GFOD1: variants seen among roughly 807,000 people sequenced by gnomAD.
GFOD1 encodes the protein Gfo/Idh/MocA-like oxidoreductase domain containing 1, also known as glucose-fructose oxidoreductase domain-containing protein 1.
A neutral mutation model predicts 25.4 loss-of-function variants in GFOD1; 9 were observed. That is an observed-to-expected ratio of 0.35 (90% confidence interval 0.21 to 0.62). The LOEUF is 0.62. GFOD1 is among the 20% of genes least tolerant of loss of function. The pLI is 0.72. For missense variants in GFOD1, 403 were observed against 556.9 expected (o/e 0.72, Z 2.78); for synonymous variants, 253 against 245.6 (o/e 1.03, Z -0.28).
intron 1 of GFOD1, among the ~76,000 whole-genome samples, chr6:13,435,913 T>G (rs2127571150): frequency 6.6e-6 from 1 of 152,348 alleles, no homozygotes; most frequent in African/African-American, 2.4e-5. Context: ...CACACATTCA[T>G]GTTTACAAAT....
At chr6:13,476,863 C>T (rs1758634319) in intron 1 of GFOD1, among the ~76,000 whole-genome samples, 1 of 152,194 alleles carries the variant, frequency 6.6e-6, no homozygotes, top group Middle Eastern at 3.2e-3. Flanking sequence ...GCATCCCAGA[C>T]TTGCCCAAAC....
chr6:13,457,771 T>G lies in GFOD1; in HGVS notation c.253+28867A>C, dbSNP rs561503711. ...TTTGAAAGTGGCTGCCGGCCTGTTC[T>G]TACAAGAAAAATGAACTTGGGGGCT... On this transcript the variant is annotated intron_variant, in intron 1 of 1. Transcript: ENST00000379287. 2.6e-5 allele frequency among the ~76,000 whole-genome samples: 4 copies of G among 152,366 alleles called. No homozygotes were observed. In the East Asian group the frequency reaches 7.7e-4, roughly 29 times the overall value.
Position 13,365,036 on chromosome 6 carries a change from CCTT to C in GFOD1, c.877_879del (p.Lys293del). 6.2e-7 allele frequency: 1 copy of C among 1,610,402 alleles called. No homozygotes were observed. Among genetic ancestry groups the C allele is most frequent in the Non-Finnish European group, 8.5e-7 (1 of 1,179,906 alleles). ...TAGGGCGAGGGGATGTCGCTGAAGG[CCTT>C]CTCCGGAAGCAGGGAGTTGCTCACC... is the stretch of plus-strand genomic sequence containing the variant. On this transcript the variant is annotated inframe_deletion, in exon 2 of 2. Coordinates refer to ENST00000379287, the MANE Select transcript of GFOD1 (RefSeq NM_018988.4). This position sits in a 1 kb window ranked among gnomAD's most constrained non-coding sequence, Gnocchi z 9.2.
intron 1 of GFOD1, among the ~76,000 whole-genome samples, chr6:13,388,216 C>T (rs1785514604): frequency 6.6e-6 from 1 of 152,206 alleles, no homozygotes. Context: ...TCAATGCTAT[C>T]TCCATCAAGT....
chr6:13,397,335 C>G (rs540932001), intron 1 of GFOD1, among the ~76,000 whole-genome samples: 1 of 152,368 alleles, frequency 6.6e-6, no homozygotes, highest in African/African-American at 2.4e-5. Context: ...CAAATATCTA[C>G]ACAAAAGATC....
At chr6:13,474,722 G>GA (rs1758578770) in intron 1 of GFOD1, among the ~76,000 whole-genome samples, 1 of 152,022 alleles carries the variant, frequency 6.6e-6, no homozygotes, top group Admixed American at 6.6e-5. Flanking sequence ...AAAATAAATG[G>GA]AAAAAAAGAA....
chr6:13,398,324 C>G (rs1300035448), intron 1 of GFOD1, among the ~76,000 whole-genome samples: 1 of 152,186 alleles, frequency 6.6e-6, no homozygotes, highest in African/African-American at 2.4e-5. Context: ...ACTTCCTTAG[C>G]AGGGATCAGG....
intron 1 of GFOD1, among the ~76,000 whole-genome samples, chr6:13,377,826 C>T (rs1785284563): frequency 6.6e-6 from 1 of 152,194 alleles, no homozygotes. Flanking sequence ...GTCTACATTC[C>T]TTCCAAAACT....
intron 1 of GFOD1, among the ~76,000 whole-genome samples, chr6:13,484,439 C>T (rs1373231277): frequency 6.6e-6 from 1 of 152,108 alleles, no homozygotes; most frequent in African/African-American, 2.4e-5. Flanking sequence ...GTAAAGCAAA[C>T]CAAGACGACC....
In GFOD1 at chr6:13,365,829, G is replaced by C. The variant is rs1376400712; in HGVS notation, c.254-167C>G. Among the ~76,000 whole-genome samples, 1 of 151,224 alleles carries C rather than the reference G, an allele frequency of 6.6e-6. No homozygotes were observed. Among genetic ancestry groups the C allele is most frequent in the Non-Finnish European group, 1.5e-5 (1 of 67,890 alleles). On this transcript the variant is annotated intron_variant, in intron 1 of 1. Transcript: ENST00000379287. This position sits in a 1 kb window ranked among gnomAD's most constrained non-coding sequence, Gnocchi z 9.2. ...GGAGGCCAAGGCCGGAGGAGGCCTT[G>C]AGCCCAGGAGTTGGAGGCCAGCCTG...
At chr6:13,478,396 C>T (rs933138436) in intron 1 of GFOD1, among the ~76,000 whole-genome samples, 1 of 152,214 alleles carries the variant, frequency 6.6e-6, no homozygotes, top group African/African-American at 2.4e-5. Context: ...ACCTCGGACT[C>T]CCAAAGTGCT....
intron 1 of GFOD1, among the ~76,000 whole-genome samples, chr6:13,444,359 C>T (rs1179004993): frequency 6.9e-6 from 1 of 145,854 alleles, no homozygotes; most frequent in Non-Finnish European, 1.5e-5. Flanking sequence ...GGTCTCCTTA[C>T]GGGTGGAGGG....
chr6:13,457,246 T>C (rs1283003867), intron 1 of GFOD1, among the ~76,000 whole-genome samples: 1 of 152,220 alleles, frequency 6.6e-6, no homozygotes, highest in Non-Finnish European at 1.5e-5. Flanking sequence ...CTGGACTTTC[T>C]GAAATTTTCC....
intron 1 of GFOD1, among the ~76,000 whole-genome samples, chr6:13,457,295 C>T (rs1317484050): frequency 1.3e-5 from 2 of 152,190 alleles, no homozygotes; most frequent in Non-Finnish European, 2.9e-5. Context: ...GAAAGTTCTA[C>T]AATATCCCAA....
intron 1 of GFOD1, among the ~76,000 whole-genome samples, chr6:13,374,273 T>G (rs9296660): frequency 0.65 from 87,764 of 134,246 alleles, 29,117 homozygotes; most frequent in East Asian, 0.8. Context: ...TGTTTTTTTT[T>G]TGTGTGTGTG....
At chr6:13,408,381 G>C (rs903600390) in intron 1 of GFOD1, among the ~76,000 whole-genome samples, 1 of 152,194 alleles carries the variant, frequency 6.6e-6, no homozygotes, top group African/African-American at 2.4e-5. Context: ...GAACTTTGAG[G>C]AGGGGCACAT....
intron 1 of GFOD1, among the ~76,000 whole-genome samples, chr6:13,410,244 T>C (rs973773178): frequency 2.6e-5 from 4 of 152,114 alleles, no homozygotes; most frequent in Non-Finnish European, 5.9e-5. Flanking sequence ...TTTGGATGGG[T>C]TATCTCATCT....
At chr6:13,479,127 C>T (rs1758693676) in intron 1 of GFOD1, among the ~76,000 whole-genome samples, 1 of 151,366 alleles carries the variant, frequency 6.6e-6, no homozygotes, top group Non-Finnish European at 1.5e-5. Context: ...ATCATCTCTT[C>T]AAAAAATAGT....
intron 1 of GFOD1, among the ~76,000 whole-genome samples, chr6:13,425,759 A>G (rs1786339929): frequency 1.3e-5 from 2 of 152,144 alleles, no homozygotes; most frequent in Non-Finnish European, 2.9e-5. Context: ...AGGTTCAGGA[A>G]AAGGGTCTAG....
Sources: allele counts gnomAD v4.1 joint callset (sites outside exome capture counted in the v4.1 genomes callset), GRCh38; gene constraint gnomAD v4.1.1; non-coding constraint Gnocchi (gnomAD v3.1); transcripts MANE v1.5; gene names NCBI Gene and HGNC (gene_info 2026-07-23, HGNC 2026-07-21).